Variants in KIAA1217 observed in about 807,000 individuals in gnomAD.
The protein encoded by KIAA1217 is KIAA1217, also known as sickle tail protein homolog.
In KIAA1217, 88 loss-of-function variants were observed where a neutral mutation model predicts 163.9. The observed-to-expected ratio is 0.54, with a 90% confidence interval of 0.45 to 0.64. The LOEUF (loss-of-function observed/expected upper bound fraction) is 0.64, where lower values mean the gene tolerates loss of function less well. Among genes scored for constraint, KIAA1217 ranks in the 30% least tolerant of loss-of-function variants. The probability of loss-of-function intolerance (pLI) is 0.00; values close to 1 mark genes in which losing one functional copy is unlikely to be tolerated. For missense variants in KIAA1217, 2,372 were observed against 2,475.0 expected, an observed-to-expected ratio of 0.96 and a Z score of 0.88; for synonymous variants, 903 against 923.1, an observed-to-expected ratio of 0.98 and a Z score of 0.39.
intron 1 of KIAA1217, among the ~76,000 whole-genome samples, chr10:23,784,818 A>G (rs907408234): frequency 6.6e-5 from 10 of 152,142 alleles, no homozygotes; most frequent in African/African-American, 2.4e-4. Context: ...AAATGAATGT[A>G]GCTGTAGTTA....
intron 6 of KIAA1217, among the ~76,000 whole-genome samples, chr10:24,474,989 C>T (rs1455313138): frequency 6.6e-6 from 1 of 152,154 alleles, no homozygotes; most frequent in African/African-American, 2.4e-5. Context: ...GAGGCTGAGG[C>T]AGGTGGATCA....
chr10:23,951,793 A>G (rs1844348422), intron 1 of KIAA1217, among the ~76,000 whole-genome samples: 1 of 152,158 alleles, frequency 6.6e-6, no homozygotes, highest in African/African-American at 2.4e-5. Flanking sequence ...GCATTTTCCA[A>G]ATGGAAAATG....
At chr10:24,500,375 C>G (rs117149306) in intron 8 of KIAA1217, among the ~76,000 whole-genome samples, 1 of 139,610 alleles carries the variant, frequency 7.2e-6, no homozygotes, top group African/African-American at 2.8e-5. Flanking sequence ...TGGATCCAGC[C>G]TCTACTCCAG....
chr10:24,537,898 A>C (rs1014984800), intron 17 of KIAA1217, among the ~76,000 whole-genome samples: 1 of 152,190 alleles, frequency 6.6e-6, no homozygotes, highest in Non-Finnish European at 1.5e-5. Context: ...TTTGAAATGC[A>C]ACTTTAAGTT....
chr10:24,262,845 G>A (rs2075856807), intron 2 of KIAA1217, among the ~76,000 whole-genome samples: 1 of 151,966 alleles, frequency 6.6e-6, no homozygotes, highest in African/African-American at 2.4e-5. Context: ...AGCTACTTGG[G>A]AGGCTGAGGT....
chr10:24,071,244 A>G (rs1051617906), intron 2 of KIAA1217, among the ~76,000 whole-genome samples: 2 of 152,222 alleles, frequency 1.3e-5, no homozygotes, highest in East Asian at 3.8e-4. Flanking sequence ...TTAGAAGTGA[A>G]CAAAACATTG....
chr10:23,757,500 CATCTTTTCTTTTCTTATT>C (rs1380589446), intron 1 of KIAA1217, among the ~76,000 whole-genome samples: 1 of 151,930 alleles, frequency 6.6e-6, no homozygotes, highest in Admixed American at 6.6e-5. Context: ...CAATGTTAAG[CATCTTTTCTTTTCTTATT>C]ATTTTATTTA....
rs2041937483 is a variant in KIAA1217, at chr10:24,305,757, AT to A, written c.355-75111del. On this transcript the variant is annotated intron_variant, in intron 2 of 20. Transcript: ENST00000376454. Reference sequence around the variant, plus strand: ...GCAGGTGGGATTAGGTTGAGGTTGAATGGGACCATAGTTCTGTCAGGACGTG... The same window carrying A: ...GCAGGTGGGATTAGGTTGAGGTTGAAGGGACCATAGTTCTGTCAGGACGTG... 3.9e-5 allele frequency among the ~76,000 whole-genome samples: 6 copies of A among 152,146 alleles called. No individual in the cohort carries two copies. In the South Asian group the frequency reaches 1.2e-3, roughly 32 times the overall value.
intron 2 of KIAA1217, among the ~76,000 whole-genome samples, chr10:24,256,376 A>C (rs2075160013): frequency 6.6e-6 from 1 of 152,220 alleles, no homozygotes; most frequent in African/African-American, 2.4e-5. Flanking sequence ...GTAGAAGCAG[A>C]GAAGAGACTT....
At chr10:23,892,585 T>C (rs984234222) in intron 1 of KIAA1217, among the ~76,000 whole-genome samples, 2 of 151,892 alleles carry the variant, frequency 1.3e-5, no homozygotes, top group African/African-American at 2.4e-5. Flanking sequence ...AAGTTATTAA[T>C]GGCATGCATT....
chr10:24,458,430 T>G (rs1164219157), intron 5 of KIAA1217, among the ~76,000 whole-genome samples: 1 of 152,214 alleles, frequency 6.6e-6, no homozygotes, highest in Non-Finnish European at 1.5e-5. Flanking sequence ...CTCTTGTGAC[T>G]CTGGCAACAC....
At chr10:24,016,574 T>A (rs557087312) in intron 2 of KIAA1217, among the ~76,000 whole-genome samples, 8 of 152,148 alleles carry the variant, frequency 5.3e-5, no homozygotes, top group Admixed American at 1.3e-4. Flanking sequence ...CAAGCTAAGC[T>A]TCTTATGTTT....
chr10:24,509,963 T>C (rs955124617), intron 9 of KIAA1217, among the ~76,000 whole-genome samples: 22 of 152,296 alleles, frequency 1.4e-4, no homozygotes, highest in Middle Eastern at 3.4e-3. Context: ...TTGGTCTTGC[T>C]GTCTCAGGGG....
chr10:24,455,535 T>C (rs1006199090), intron 5 of KIAA1217, among the ~76,000 whole-genome samples: 2 of 152,232 alleles, frequency 1.3e-5, no homozygotes, highest in African/African-American at 4.8e-5. Context: ...AGGACAGGAC[T>C]AGAATGGATA....
chr10:24,210,173 CA>C (rs1291131616), intron 1 of KIAA1217, among the ~76,000 whole-genome samples: 1 of 151,436 alleles, frequency 6.6e-6, no homozygotes, highest in Admixed American at 6.6e-5. Flanking sequence ...GGATTATGCA[CA>C]GGGGAAAAGG....
chr10:24,144,596 C>G (rs911306072), intron 2 of KIAA1217, among the ~76,000 whole-genome samples: 9 of 152,170 alleles, frequency 5.9e-5, no homozygotes, highest in African/African-American at 2.2e-4. Context: ...GCTATAAGGA[C>G]CACCGGCTTG....
intron 2 of KIAA1217, among the ~76,000 whole-genome samples, chr10:24,081,245 C>T (rs985404062): frequency 5.9e-5 from 9 of 152,130 alleles, no homozygotes; most frequent in South Asian, 2.1e-4. Flanking sequence ...CTGAAGAAAA[C>T]GTGCCAGGAA....
At chr10:24,120,366 A>AAATATGAAAT (rs2063234723) in intron 2 of KIAA1217, among the ~76,000 whole-genome samples, 3 of 152,204 alleles carry the variant, frequency 2.0e-5, no homozygotes, top group Admixed American at 2.0e-4. Flanking sequence ...GGAATCTGAG[A>AAATATGAAAT]ACAGTGAAAA....
chr10:23,739,839 G>A (rs556063966), intron 1 of KIAA1217, among the ~76,000 whole-genome samples: 15 of 152,260 alleles, frequency 9.9e-5, no homozygotes, highest in Admixed American at 3.3e-4. Flanking sequence ...GAGCAGCAGC[G>A]GAGAAGTGCT....
Sources: gnomAD v4.1 joint callset for allele counts (sites outside exome capture counted in the v4.1 genomes callset) on GRCh38, gnomAD v4.1.1 for gene constraint, MANE v1.5 for transcripts, NCBI Gene and HGNC (gene_info 2026-07-23, HGNC 2026-07-21) for gene names.